HDAC9: variants seen among roughly 807,000 people sequenced by gnomAD.
HDAC9 encodes MEF-2 interacting transcription repressor (MITR) protein.
Under a neutral mutation model 139.4 loss-of-function variants are expected in HDAC9, and 41 were observed. That is an observed-to-expected ratio of 0.29 (90% CI 0.23 to 0.38). The LOEUF (loss-of-function observed/expected upper bound fraction) is 0.38. Ranked by LOEUF, HDAC9 falls within the 10% of genes least tolerant of loss-of-function variation. The probability of loss-of-function intolerance (pLI) is 1.00; values close to 1 mark genes in which losing one functional copy is unlikely to be tolerated. For synonymous variants in HDAC9, 517 were observed against 476.2 expected, an observed-to-expected ratio of 1.09 and a Z score of -1.12; for missense variants, 1,147 against 1,297.0, an observed-to-expected ratio of 0.88 and a Z score of 1.78.
intron 1 of HDAC9, among the ~76,000 whole-genome samples, chr7:18,147,280 C>CT (rs1345386511): frequency 3.3e-5 from 5 of 152,098 alleles, no homozygotes; most frequent in African/African-American, 4.8e-5. Context: ...ACTTTGCAGA[C>CT]TTAAGATGAA....
chr7:18,483,226 A>G (rs979514383), intron 1 of HDAC9, among the ~76,000 whole-genome samples: 2 of 152,216 alleles, frequency 1.3e-5, no homozygotes, highest in African/African-American at 2.4e-5. Context: ...TTCAATGAGT[A>G]TTATGTAAAT....
chr7:18,314,750 G>C (rs1472723432), intron 1 of HDAC9, among the ~76,000 whole-genome samples: 1 of 152,184 alleles, frequency 6.6e-6, no homozygotes, highest in East Asian at 1.9e-4. Flanking sequence ...TTGATGAGTA[G>C]ATGCATTTTT....
chr7:18,350,023 C>G (rs1468241787), intron 1 of HDAC9, among the ~76,000 whole-genome samples: 1 of 152,048 alleles, frequency 6.6e-6, no homozygotes, highest in African/African-American at 2.4e-5. Context: ...AGTATATAAG[C>G]ATGGTAATGC....
chr7:18,722,066 A>G (rs905371760), intron 12 of HDAC9, among the ~76,000 whole-genome samples: 22 of 152,204 alleles, frequency 1.4e-4, no homozygotes, highest in Non-Finnish European at 3.1e-4. Flanking sequence ...CATGAATTTT[A>G]TCAGTGGGAG....
At chr7:18,815,466 T>G (rs1217057140) in intron 17 of HDAC9, among the ~76,000 whole-genome samples, 2 of 152,216 alleles carry the variant, frequency 1.3e-5, no homozygotes, top group Non-Finnish European at 2.9e-5. Flanking sequence ...GGATCCATTG[T>G]TATTATTTTC....
chr7:18,317,440 G>A (rs1350707020), intron 1 of HDAC9, among the ~76,000 whole-genome samples: 3 of 152,174 alleles, frequency 2.0e-5, no homozygotes, highest in Non-Finnish European at 4.4e-5. Context: ...CTGAAATTAA[G>A]TATGCTTGAC....
chr7:18,142,495 T>G (rs1318414203), intron 1 of HDAC9, among the ~76,000 whole-genome samples: 1 of 152,202 alleles, frequency 6.6e-6, no homozygotes, highest in Non-Finnish European at 1.5e-5. Context: ...TATGGAGACA[T>G]CTGTTCTGTT....
chr7:18,766,381 TC>T (rs1244565800), intron 15 of HDAC9, among the ~76,000 whole-genome samples: 1 of 152,168 alleles, frequency 6.6e-6, no homozygotes, highest in East Asian at 1.9e-4. Context: ...TTACTAAAAA[TC>T]CCATGAAACA....
chr7:18,581,990 G>A (rs564525779), intron 2 of HDAC9, among the ~76,000 whole-genome samples: 2 of 152,218 alleles, frequency 1.3e-5, no homozygotes, highest in African/African-American at 4.8e-5. Flanking sequence ...GTCAATCCAT[G>A]GCAAAATAAC....
intron 1 of HDAC9, among the ~76,000 whole-genome samples, chr7:18,357,188 C>T (rs1291762071): frequency 6.6e-6 from 1 of 152,060 alleles, no homozygotes; most frequent in East Asian, 1.9e-4. Context: ...GTCCCCCTCA[C>T]TATGTCTTAT....
chr7:18,936,105 T>C (rs1781614859), intron 23 of HDAC9, among the ~76,000 whole-genome samples, 163 bp downstream of exon 23: 1 of 152,226 alleles, frequency 6.6e-6, no homozygotes, highest in Non-Finnish European at 1.5e-5. Flanking sequence ...TCTCGTATAC[T>C]ACAATGTTAT....
intron 1 of HDAC9, among the ~76,000 whole-genome samples, chr7:18,440,422 T>A (rs989874353): frequency 6.6e-6 from 1 of 152,044 alleles, no homozygotes; most frequent in Non-Finnish European, 1.5e-5. Flanking sequence ...TGACCACAAG[T>A]GCTCTGCCCA....
intron 2 of HDAC9, among the ~76,000 whole-genome samples, chr7:18,223,180 G>T (rs958749984): frequency 1.3e-5 from 2 of 151,896 alleles, no homozygotes; most frequent in Non-Finnish European, 2.9e-5. Flanking sequence ...TTTTCTTAAG[G>T]GTGTTTGTTT....
chr7:18,349,307 T>TACACACACACACACAC (rs3138825), intron 1 of HDAC9, among the ~76,000 whole-genome samples: 32 of 125,736 alleles, frequency 2.5e-4, no homozygotes, highest in African/African-American at 7.6e-4. Context: ...TGAGAACATC[T>TACACACACACACACAC]ACACACACAC....
chr7:18,736,134 G>C (rs545550699), intron 13 of HDAC9, among the ~76,000 whole-genome samples: 1 of 152,300 alleles, frequency 6.6e-6, no homozygotes, highest in East Asian at 1.9e-4. Flanking sequence ...GAGATTTTGG[G>C]CTGAGACGAT....
chr7:18,938,544 G>A (rs1313808050), intron 23 of HDAC9, among the ~76,000 whole-genome samples: 6 of 151,962 alleles, frequency 3.9e-5, no homozygotes, highest in African/African-American at 1.2e-4. Flanking sequence ...GCAGTGAGCC[G>A]AGATGGCACC....
At position 18,719,331 on chromosome 7, in the gene HDAC9, C is replaced by CTTTTTTTTTTTTTTT. The variant is rs757689693; in HGVS notation, c.1732-8237_1732-8223dup. Among the ~76,000 whole-genome samples, 59 of 73,910 alleles carry CTTTTTTTTTTTTTTT rather than the reference C, an allele frequency of 8.0e-4. 5 individuals are homozygous for CTTTTTTTTTTTTTTT. The highest frequency in any genetic ancestry group is 0.014 in the Middle Eastern group (1 of 72). 48.5% of individuals were successfully genotyped at this position (73,910 alleles called of 152,430 possible). ...CTAATTAACCTATTTTTTTCTCTTC[C>CTTTTTTTTTTTTTTT]TTTTTTTTTTTTTTTTTTTTTTTTT... is the stretch of plus-strand genomic sequence containing the variant. On this transcript the variant is annotated intron_variant, in intron 12 of 25. Transcript: ENST00000686413.
At chr7:18,600,876 G>A (rs1833757620) in intron 6 of HDAC9, among the ~76,000 whole-genome samples, 1 of 152,098 alleles carries the variant, frequency 6.6e-6, no homozygotes, top group South Asian at 2.1e-4. Context: ...CCAGGCTGCA[G>A]TGCAGTGGTG....
At chr7:18,729,162 TA>T (rs1785814157) in intron 13 of HDAC9, among the ~76,000 whole-genome samples, 1 of 152,138 alleles carries the variant, frequency 6.6e-6, no homozygotes, top group Non-Finnish European at 1.5e-5. Context: ...CTTTAAGAAT[TA>T]CTTACTCTCT....
Sources: gnomAD v4.1 joint callset for allele counts (sites outside exome capture counted in the v4.1 genomes callset) on GRCh38, gnomAD v4.1.1 for gene constraint, MANE v1.5 for transcripts, NCBI Gene and HGNC (gene_info 2026-07-23, HGNC 2026-07-21) for gene names.